Variants in DDR2 observed in about 807,000 individuals in gnomAD.
The protein encoded by DDR2 is discoidin domain-containing receptor 2.
A neutral mutation model predicts 94.9 loss-of-function variants in DDR2; 27 were observed. The observed-to-expected ratio is 0.28, with a 90% CI of 0.21 to 0.39. The LOEUF is 0.39. Ranked by LOEUF, DDR2 falls within the 10% of genes least tolerant of loss-of-function variation. DDR2 has a pLI of 1.00. For missense variants in DDR2, 783 were observed against 1,076.0 expected (o/e 0.73, Z 3.81); for synonymous variants, 382 against 377.2 (o/e 1.01, Z -0.15).
intron 2 of DDR2, among the ~76,000 whole-genome samples, chr1:162,715,706 A>C (rs1050877198): frequency 6.6e-6 from 1 of 152,206 alleles, no homozygotes; most frequent in African/African-American, 2.4e-5. Context: ...GATTAGCTTT[A>C]ACCTCTTTCT....
intron 2 of DDR2, among the ~76,000 whole-genome samples, chr1:162,688,046 T>A (rs1427587947): frequency 6.6e-6 from 1 of 152,202 alleles, no homozygotes; most frequent in Non-Finnish European, 1.5e-5. Context: ...TGAGATTGGT[T>A]CGGCAACTTC....
chr1:162,772,424 C>CTT (rs1647276426), intron 13 of DDR2, 177 bp downstream of exon 13: 2 of 706,968 alleles, frequency 2.8e-6, no homozygotes, highest in Admixed American at 2.4e-5. Flanking sequence ...TGTCAAATAG[C>CTT]TGTGGAGTTC....
chr1:162,724,226 A>G (rs958520811), intron 3 of DDR2, among the ~76,000 whole-genome samples: 3 of 152,122 alleles, frequency 2.0e-5, no homozygotes, highest in South Asian at 2.1e-4. Context: ...GGTGACTTCT[A>G]CCTGGGCCCT....
intron 3 of DDR2, among the ~76,000 whole-genome samples, chr1:162,751,006 C>T (rs956813990): frequency 6.6e-6 from 1 of 152,076 alleles, no homozygotes; most frequent in African/African-American, 2.4e-5. Flanking sequence ...CAAGATGGAT[C>T]AAAGACTTAA....
intron 2 of DDR2, among the ~76,000 whole-genome samples, chr1:162,716,228 C>T (rs770222499): frequency 1.1e-4 from 17 of 152,102 alleles, no homozygotes; most frequent in Non-Finnish European, 1.8e-4. Flanking sequence ...GAGGAAGTTA[C>T]GGCCAGTAAC....
At chr1:162,767,945 T>C (rs1041172967) in intron 11 of DDR2, among the ~76,000 whole-genome samples, 1 of 152,198 alleles carries the variant, frequency 6.6e-6, no homozygotes, top group Non-Finnish European at 1.5e-5. Flanking sequence ...CTCTTCAGAC[T>C]CTGTCTATGC....
At chr1:162,639,014 G>A (rs1656985086) in intron 1 of DDR2, among the ~76,000 whole-genome samples, 1 of 151,370 alleles carries the variant, frequency 6.6e-6, no homozygotes, top group African/African-American at 2.4e-5. Flanking sequence ...TGCCCAGACT[G>A]GAGTGCAGTG....
chr1:162,762,833 T>G (rs769023569), intron 9 of DDR2, among the ~76,000 whole-genome samples: 28 of 152,222 alleles, frequency 1.8e-4, no homozygotes, highest in Middle Eastern at 3.4e-3. Flanking sequence ...GTTATTATTA[T>G]TAGTAGTAGT....
At chr1:162,717,549 A>G (rs1334903273) in intron 2 of DDR2, among the ~76,000 whole-genome samples, 2 of 152,184 alleles carry the variant, frequency 1.3e-5, no homozygotes, top group Admixed American at 6.5e-5. Context: ...GTCTGGATAT[A>G]ACATTACACT....
intron 2 of DDR2, among the ~76,000 whole-genome samples, chr1:162,658,996 G>C (rs145585745): frequency 1.3e-4 from 19 of 151,890 alleles, no homozygotes; most frequent in African/African-American, 4.6e-4. Context: ...GGAGGGGAGC[G>C]GTCTAGAGAA....
chr1:162,657,129 C>G (rs1403166705), intron 2 of DDR2, among the ~76,000 whole-genome samples: 1 of 152,004 alleles, frequency 6.6e-6, no homozygotes, highest in Non-Finnish European at 1.5e-5. Context: ...CGTGAGCCAC[C>G]ATGCCTGGGC....
intron 3 of DDR2, among the ~76,000 whole-genome samples, chr1:162,722,396 G>A (rs1214394510): frequency 6.6e-6 from 1 of 152,190 alleles, no homozygotes; most frequent in Non-Finnish European, 1.5e-5. Context: ...TGTGGGCAGA[G>A]TTCTCAGCTA....
At chr1:162,697,645 G>A (rs950328547) in intron 2 of DDR2, among the ~76,000 whole-genome samples, 1 of 152,150 alleles carries the variant, frequency 6.6e-6, no homozygotes, top group Non-Finnish European at 1.5e-5. Context: ...TACGAAATGA[G>A]ACCAGCTCCA....
chr1:162,731,272 C>G (rs1297067032), intron 3 of DDR2, among the ~76,000 whole-genome samples: 16 of 152,096 alleles, frequency 1.1e-4, no homozygotes, highest in Admixed American at 9.2e-4. Context: ...AGCTCAGAGC[C>G]AAAGTTGAAA....
At chr1:162,721,395 C>T (rs762977395) in intron 3 of DDR2, among the ~76,000 whole-genome samples, 1 of 152,126 alleles carries the variant, frequency 6.6e-6, no homozygotes, top group Non-Finnish European at 1.5e-5. Context: ...TTGCAAAGAC[C>T]TTTATAGGAA....
At chr1:162,661,131 T>C (rs894522707) in intron 2 of DDR2, among the ~76,000 whole-genome samples, 2 of 152,184 alleles carry the variant, frequency 1.3e-5, no homozygotes, top group Non-Finnish European at 2.9e-5. Context: ...CTAAAATTGG[T>C]CTGGATAATG....
At chr1:162,638,985 AGACG>A (rs1656982054) in intron 1 of DDR2, among the ~76,000 whole-genome samples, 2 of 151,374 alleles carry the variant, frequency 1.3e-5, no homozygotes, top group South Asian at 4.2e-4. Context: ...TCTATCTTTG[AGACG>A]GAGTCTTGCT....
At chr1:162,743,356 C>T (rs1465102326) in intron 3 of DDR2, among the ~76,000 whole-genome samples, 1 of 152,110 alleles carries the variant, frequency 6.6e-6, no homozygotes, top group Non-Finnish European at 1.5e-5. Context: ...GCATTATGCT[C>T]ACGTGAAACC....
upstream of DDR2, chr1:162,632,462 C>T (rs1023132563): frequency 6.6e-6 from 1 of 152,180 alleles, no homozygotes; most frequent in African/African-American, 2.4e-5. Flanking sequence ...TGAGGTTTCT[C>T]TCAAAGGCAT....
Sources: allele counts gnomAD v4.1 joint callset (sites outside exome capture counted in the v4.1 genomes callset), GRCh38; gene constraint gnomAD v4.1.1; transcripts MANE v1.5; gene names NCBI Gene and HGNC (gene_info 2026-07-23, HGNC 2026-07-21).